The following KCNAB2 variants were observed in gnomAD, a reference collection of about 807,000 sequenced individuals.
The protein encoded by KCNAB2 is potassium voltage-gated channel subfamily A regulatory beta subunit 2, also known as voltage-gated potassium channel subunit beta-2.
Under a neutral mutation model 63.6 loss-of-function variants are expected in KCNAB2, and 29 were observed. The observed-to-expected ratio is 0.46, with a 90% CI of 0.34 to 0.62. KCNAB2 has a LOEUF of 0.62. Ranked by LOEUF, KCNAB2 falls within the 20% of genes least tolerant of loss-of-function variation. The probability of loss-of-function intolerance (pLI) is 0.01; values close to 1 mark genes in which losing one functional copy is unlikely to be tolerated. For synonymous variants in KCNAB2, 222 were observed against 224.2 expected, an observed-to-expected ratio of 0.99 and a Z score of 0.09; for missense variants, 359 against 563.9, an observed-to-expected ratio of 0.64 and a Z score of 3.68.
upstream of KCNAB2, among the ~76,000 whole-genome samples, chr1:6,040,972 C>T (rs1314326453): frequency 6.6e-6 from 1 of 152,204 alleles, no homozygotes; most frequent in Non-Finnish European, 1.5e-5. Flanking sequence ...CACGGCCAAC[C>T]CCGGCATCCT....
chr1:6,051,448 AGCCATCCAGCCT>A, intron 1 of KCNAB2, 51 bp from the exon 2 acceptor site: 1 of 1,415,016 alleles, frequency 7.1e-7, no homozygotes, highest in Non-Finnish European at 9.2e-7. Flanking sequence ...CCCCAGGGCC[AGCCATCCAGCCT>A]GGGGCACGTG....
chr1:6,015,034 TTTTTTTTTG>T (rs1658408641), intron 1 of KCNAB2, among the ~76,000 whole-genome samples: 1 of 128,488 alleles, frequency 7.8e-6, no homozygotes, highest in African/African-American at 3.0e-5. Flanking sequence ...TTTTTTTTTT[TTTTTTTTTG>T]TTTTTTGAGA....
chr1:6,046,027 C>G lies in KCNAB2; in HGVS notation c.-183C>G. 1.0e-6 allele frequency: 1 copy of G among 985,464 alleles called. No homozygotes were observed. The highest frequency in any genetic ancestry group is 1.2e-6 in the Non-Finnish European group (1 of 829,938). The allele number at this position is 985,464 out of a possible 1,614,324, so 61.0% of individuals were successfully genotyped here. A position where few individuals can be genotyped will look rare whatever the true frequency, so the allele number is the denominator to read the frequency against. ...ATGGACTCGCTGCCTCAAAACTCGA[C>G]TCTGGTGGGACTCATCTCATTCACC... On this transcript the variant is annotated 5_prime_UTR_variant, in exon 1 of 16. Transcript: ENST00000378083.
chr1:6,025,184 C>G (rs987198695), intron 1 of KCNAB2, among the ~76,000 whole-genome samples: 27 of 152,102 alleles, frequency 1.8e-4, no homozygotes, highest in African/African-American at 2.4e-5. Context: ...CTGTCTTTAT[C>G]TTTATCCTGC....
chr1:6,005,012 G>A (rs1462166962), intron 1 of KCNAB2, among the ~76,000 whole-genome samples: 1 of 123,986 alleles, frequency 8.1e-6, no homozygotes, highest in Non-Finnish European at 1.8e-5. Context: ...TGAGCTAAGG[G>A]GTGAGGGTGG....
At chr1:6,070,432 A>C (rs539303633) in intron 2 of KCNAB2, among the ~76,000 whole-genome samples, 1 of 152,328 alleles carries the variant, frequency 6.6e-6, no homozygotes, top group South Asian at 2.1e-4. Flanking sequence ...TTAGTGGTAC[A>C]GTTGGGCTGT....
chr1:6,096,625 C>G lies in KCNAB2; in HGVS notation c.949-11C>G. On this transcript the variant is annotated splice_polypyrimidine_tract_variant and intron_variant, in intron 13 of 15. Coordinates refer to ENST00000378083, the MANE Select transcript of KCNAB2 (RefSeq NM_001199862.2). This position sits in a 1 kb window ranked among gnomAD's most constrained non-coding sequence, Gnocchi z 5.9. ...ATCTGTAGCTGTGCTGCTCCCCTCC[C>G]CCGCAACCAGGGCTACCAGTGGCTG... The G allele has an allele frequency of 6.2e-7, 1 of 1,608,840 alleles. No homozygotes were observed. Among genetic ancestry groups the G allele is most frequent in the Non-Finnish European group, 8.5e-7 (1 of 1,178,002 alleles).
chr1:6,072,210 A>T (rs1361955784), intron 2 of KCNAB2, among the ~76,000 whole-genome samples: 1 of 152,154 alleles, frequency 6.6e-6, no homozygotes, highest in Non-Finnish European at 1.5e-5. Context: ...CTGTGGCTGT[A>T]ACAAAGGAAG....
At chr1:6,061,327 C>T (rs1022576011) in intron 2 of KCNAB2, among the ~76,000 whole-genome samples, 24 of 152,134 alleles carry the variant, frequency 1.6e-4, no homozygotes, top group African/African-American at 5.6e-4. Flanking sequence ...AGCACTGGGC[C>T]GGGCGGTGGC....
At chr1:6,094,584 C>T in intron 11 of KCNAB2, 99 bp downstream of exon 11, 2 of 909,004 alleles carry the variant, frequency 2.2e-6, no homozygotes, top group Non-Finnish European at 3.4e-6. Flanking sequence ...TGCCTTTGGT[C>T]CCAACTGCAC....
At chr1:6,040,777 C>T (rs544149386) in intron 2 of KCNAB2, 270 of 620,392 alleles carry the variant, frequency 4.4e-4, no homozygotes, top group Non-Finnish European at 5.7e-4. Flanking sequence ...CTGCCTTCCA[C>T]GGGGTTTTGA....
intron 1 of KCNAB2, among the ~76,000 whole-genome samples, chr1:6,013,964 T>G (rs924795388): frequency 6.6e-6 from 1 of 152,182 alleles, no homozygotes; most frequent in Admixed American, 6.5e-5. Context: ...CTCCCAGAAC[T>G]GCCACTCACC....
rs1026602033 is a variant in KCNAB2, at chr1:6,028,596, G to A, written c.-52-11921G>A. On this transcript the variant is annotated intron_variant, in intron 1 of 16. Transcript: ENST00000341524. This position sits in a 1 kb window ranked among gnomAD's most constrained non-coding sequence, Gnocchi z 4.0. ...TAGGCATTACCACATGCTGGTGGCC[G>A]CTCTGGGTGCGGGGGTACATCCGTG... 1.2e-4 allele frequency among the ~76,000 whole-genome samples: 19 copies of A among 152,192 alleles called. No homozygotes were observed. Among genetic ancestry groups the A allele is most frequent in the Admixed American group, 1.1e-3 (17 of 15,284 alleles).
At chr1:6,025,911 A>C (rs1321228938) in intron 1 of KCNAB2, 1 of 151,312 alleles carries the variant, frequency 6.6e-6, no homozygotes, top group South Asian at 1.5e-4. Context: ...CGATCCCGGC[A>C]CACAGCCGAT....
Position 6,003,463 on chromosome 1 carries a change from G to A in KCNAB2, c.-53+10675G>A, listed in dbSNP as rs914414896. ...CGTCCACCTTCTCCACTCTTAGCGC[G>A]AGCCCTGCCCCAGCCAGGAGCACTC... On this transcript the variant is annotated intron_variant, in intron 1 of 16. Transcript: ENST00000341524. This position sits in a 1 kb window ranked among gnomAD's most constrained non-coding sequence, Gnocchi z 4.1. 1.2e-4 allele frequency among the ~76,000 whole-genome samples: 19 copies of A among 152,150 alleles called. No individual in the cohort carries two copies. Among genetic ancestry groups the A allele is most frequent in the Non-Finnish European group, 2.4e-4 (16 of 68,038 alleles).
At chr1:6,016,118 C>T (rs1224086096) in intron 1 of KCNAB2, among the ~76,000 whole-genome samples, 1 of 152,222 alleles carries the variant, frequency 6.6e-6, no homozygotes, top group Admixed American at 6.5e-5. Context: ...TCAAACCCCA[C>T]CGTAAAGGAA....
At chr1:6,058,974 C>T (rs551512484) in intron 2 of KCNAB2, among the ~76,000 whole-genome samples, 2 of 152,226 alleles carry the variant, frequency 1.3e-5, no homozygotes, top group African/African-American at 2.4e-5. Context: ...AAACAGCATC[C>T]GTCTGCAGCC....
chr1:6,065,329 A>G (rs1557473170), intron 2 of KCNAB2, among the ~76,000 whole-genome samples: 1 of 152,234 alleles, frequency 6.6e-6, no homozygotes, highest in African/African-American at 2.4e-5. Context: ...GGACCAGCCA[A>G]GGCAGGCGGC....
At chr1:6,080,373 GGGA>G (rs1178111188) in intron 4 of KCNAB2, among the ~76,000 whole-genome samples, 1 of 152,190 alleles carries the variant, frequency 6.6e-6, no homozygotes, top group Non-Finnish European at 1.5e-5. Flanking sequence ...GGGCACATCC[GGGA>G]GGAGGAGGCT....
Sources: allele counts gnomAD v4.1 joint callset (sites outside exome capture counted in the v4.1 genomes callset), GRCh38; gene constraint gnomAD v4.1.1; non-coding constraint Gnocchi (gnomAD v3.1); transcripts MANE v1.5; gene names NCBI Gene and HGNC (gene_info 2026-07-23, HGNC 2026-07-21).